The following EHBP1 variants were observed in gnomAD, a reference collection of about 807,000 sequenced individuals.
EHBP1 encodes the protein EH domain-binding protein 1.
In EHBP1, 55 loss-of-function variants were observed where a neutral mutation model predicts 144.0. That is an observed-to-expected ratio of 0.38 (90% CI 0.31 to 0.48). EHBP1 has a LOEUF of 0.48. EHBP1 is among the 20% of genes least tolerant of loss of function. The pLI, the probability that EHBP1 is intolerant of heterozygous loss-of-function variation, is 0.98. For missense variants in EHBP1, 1,200 were observed against 1,364.2 expected, an observed-to-expected ratio of 0.88 and a Z score of 1.90; for synonymous variants, 469 against 472.7, an observed-to-expected ratio of 0.99 and a Z score of 0.10.
At chr2:63,041,507 A>G (rs186779626) in intron 21 of EHBP1, among the ~76,000 whole-genome samples, 1 of 152,202 alleles carries the variant, frequency 6.6e-6, no homozygotes, top group Non-Finnish European at 1.5e-5. Flanking sequence ...GCTCTTCTAA[A>G]GGGATTTATG....
intron 10 of EHBP1, among the ~76,000 whole-genome samples, chr2:62,936,005 C>T (rs552824619): frequency 1.2e-4 from 18 of 152,158 alleles, no homozygotes; most frequent in Non-Finnish European, 1.9e-4. Context: ...TTGTTCAAGA[C>T]GTGTTATCCT....
intron 9 of EHBP1, among the ~76,000 whole-genome samples, chr2:62,867,240 G>C (rs1195591095): frequency 6.6e-6 from 1 of 152,132 alleles, no homozygotes; most frequent in East Asian, 1.9e-4. Flanking sequence ...TAAAGGCTGA[G>C]TAGCAGAATG....
chr2:62,979,483 A>T, intron 15 of EHBP1, 148 bp downstream of exon 15: 1 of 829,646 alleles, frequency 1.2e-6, no homozygotes, highest in Non-Finnish European at 1.7e-6. Context: ...TAAAGGAAGC[A>T]TAGTAAATTA....
chr2:62,969,786 G>T (rs2058416394), intron 14 of EHBP1, among the ~76,000 whole-genome samples: 3 of 152,108 alleles, frequency 2.0e-5, no homozygotes, highest in South Asian at 4.1e-4. Flanking sequence ...TTCTTTGTTA[G>T]AGAAGCAGAG....
intron 19 of EHBP1, among the ~76,000 whole-genome samples, chr2:63,011,381 AGTGTG>A (rs2060262216): frequency 6.6e-6 from 1 of 151,880 alleles, no homozygotes; most frequent in Non-Finnish European, 1.5e-5. Context: ...AAGCAATGTT[AGTGTG>A]TGTGTAGCTT....
At chr2:62,701,359 G>A, upstream of EHBP1, among the ~76,000 whole-genome samples, 1 of 152,002 alleles carries the variant, frequency 6.6e-6, no homozygotes, top group East Asian at 1.9e-4. Flanking sequence ...TACTAAGTCT[G>A]AAATCAGTAT....
intron 16 of EHBP1, 146 bp downstream of exon 16, chr2:62,990,986 G>A (rs2059392038): frequency 1.0e-6 from 1 of 994,660 alleles, no homozygotes; most frequent in Non-Finnish European, 1.4e-6. Context: ...GGTGAGGTGT[G>A]GTGGCTCATG....
At chr2:62,942,676 A>G (rs111594934) in intron 10 of EHBP1, 42 bp from the exon 11 acceptor site, 2 of 1,513,208 alleles carry the variant, frequency 1.3e-6, no homozygotes, top group Non-Finnish European at 1.8e-6. Context: ...TTCATCTTCC[A>G]TTAAATTCTT....
intron 10 of EHBP1, among the ~76,000 whole-genome samples, chr2:62,935,760 T>C (rs2056342632): frequency 6.6e-6 from 1 of 152,186 alleles, no homozygotes; most frequent in South Asian, 2.1e-4. Flanking sequence ...ATCTCAAATA[T>C]TTCACCCTTG....
At position 62,834,849 on chromosome 2, in the gene EHBP1, C is replaced by T. The variant is rs74866204; in HGVS notation, c.634+3691C>T. ...GGCGCACTTTTCATATATGTGGGTT[C>T]GGAAGGGCCTGCTTTGGGACTTGAT... On this transcript the variant is annotated intron_variant, in intron 7 of 22. Coordinates refer to ENST00000431489, the MANE Select transcript of EHBP1 (RefSeq NM_001142616.3). 3.7e-3 allele frequency among the ~76,000 whole-genome samples: 560 copies of T among 152,218 alleles called. 7 individuals carry two copies. Among genetic ancestry groups the T allele is most frequent in the Non-Finnish European group, 5.0e-3 (340 of 68,030 alleles).
rs1157397512 is a variant in EHBP1 at position 62,957,641 on chromosome 2, C to CTTTTTTTTTTTTTTTTTT, written c.2460+1986_2460+2003dup. Among the ~76,000 whole-genome samples, 7 of 87,174 alleles carry CTTTTTTTTTTTTTTTTTT rather than the reference C, an allele frequency of 8.0e-5. 1 individual carries two copies. Among genetic ancestry groups the CTTTTTTTTTTTTTTTTTT allele is most frequent in the African/African-American group, 1.5e-4 (3 of 19,488 alleles). The allele number at this position is 87,174 out of a possible 152,430, so 57.2% of individuals were successfully genotyped here. ...TAAAATTAATATTTGAAAATAAATG[C>CTTTTTTTTTTTTTTTTTT]TTTTTTTTTTTTTTTTTTTTTTGAG... is the stretch of plus-strand genomic sequence containing the variant. On this transcript the variant is annotated intron_variant, in intron 14 of 22. Transcript: ENST00000431489.
chr2:62,837,675 G>A (rs1416487597), intron 7 of EHBP1, among the ~76,000 whole-genome samples: 1 of 148,022 alleles, frequency 6.8e-6, no homozygotes, highest in African/African-American at 2.5e-5. Context: ...ACAAAAAAAG[G>A]CAGGGGTTGC....
intron 5 of EHBP1, among the ~76,000 whole-genome samples, chr2:62,778,487 T>G (rs1295600998): frequency 6.7e-6 from 1 of 149,194 alleles, no homozygotes. Flanking sequence ...GAGACTGTAA[T>G]GAGCTCTCAT....
chr2:62,716,251 T>C (rs1219854334), intron 2 of EHBP1, among the ~76,000 whole-genome samples: 1 of 152,116 alleles, frequency 6.6e-6, no homozygotes, highest in Non-Finnish European at 1.5e-5. Context: ...GAGGTGTTAC[T>C]GATTTTGGAC....
At chr2:62,717,857 G>A (rs1383875548) in intron 2 of EHBP1, among the ~76,000 whole-genome samples, 1 of 152,126 alleles carries the variant, frequency 6.6e-6, no homozygotes, top group African/African-American at 2.4e-5. Flanking sequence ...ATAGAATGAT[G>A]GTCTTACAGG....
intron 3 of EHBP1, among the ~76,000 whole-genome samples, chr2:62,761,948 C>T (rs2040803473): frequency 6.6e-6 from 1 of 152,162 alleles, no homozygotes. Context: ...TTCTTAAATT[C>T]ATTCCAGTCA....
At chr2:62,729,600 TAATA>T (rs1289607251) in intron 2 of EHBP1, among the ~76,000 whole-genome samples, 2 of 131,228 alleles carry the variant, frequency 1.5e-5, no homozygotes, top group African/African-American at 2.9e-5. Context: ...ATATATATAA[TAATA>T]AATATAATAA....
At chr2:62,913,270 T>G (rs2054359033) in intron 10 of EHBP1, among the ~76,000 whole-genome samples, 1 of 152,222 alleles carries the variant, frequency 6.6e-6, no homozygotes, top group Non-Finnish European at 1.5e-5. Context: ...ATTATAATGT[T>G]AAGAGATTAG....
chr2:62,675,802 G>T (rs2033266466), intron 1 of EHBP1, among the ~76,000 whole-genome samples: 1 of 152,160 alleles, frequency 6.6e-6, no homozygotes, highest in African/African-American at 2.4e-5. Context: ...GTCCTGACGG[G>T]AGTGCTGTGG....
Sources: allele counts gnomAD v4.1 joint callset (sites outside exome capture counted in the v4.1 genomes callset), GRCh38; gene constraint gnomAD v4.1.1; transcripts MANE v1.5; gene names NCBI Gene and HGNC (gene_info 2026-07-23, HGNC 2026-07-21).